CDH8: variants seen among roughly 807,000 people sequenced by gnomAD.
CDH8 encodes the protein cadherin-8.
Under a neutral mutation model 68.1 loss-of-function variants are expected in CDH8, and 17 were observed. The ratio of observed to expected loss-of-function variants is 0.25; its 90% CI spans 0.17 to 0.37. The LOEUF (loss-of-function observed/expected upper bound fraction) is 0.37. CDH8 is among the 10% of genes least tolerant of loss of function. The probability of loss-of-function intolerance (pLI) is 1.00; values close to 1 mark genes in which losing one functional copy is unlikely to be tolerated. For missense variants in CDH8, 763 were observed against 999.3 expected, an observed-to-expected ratio of 0.76 and a Z score of 3.19; for synonymous variants, 372 against 365.1, an observed-to-expected ratio of 1.02 and a Z score of -0.21.
At chr16:61,748,234 A>T (rs1275576675) in intron 8 of CDH8, among the ~76,000 whole-genome samples, 1 of 151,776 alleles carries the variant, frequency 6.6e-6, no homozygotes, top group Non-Finnish European at 1.5e-5. Flanking sequence ...CATCATCATC[A>T]TCATCACTTT....
At chr16:61,768,107 T>C (rs914592825) in intron 8 of CDH8, among the ~76,000 whole-genome samples, 6 of 152,050 alleles carry the variant, frequency 3.9e-5, no homozygotes, top group African/African-American at 1.4e-4. Flanking sequence ...GTTGTTATTA[T>C]TGTTATTTAA....
At chr16:61,880,667 C>G (rs1373399852) in intron 3 of CDH8, among the ~76,000 whole-genome samples, 3 of 152,064 alleles carry the variant, frequency 2.0e-5, no homozygotes, top group Non-Finnish European at 2.9e-5. Context: ...CTAAGAGCAA[C>G]AGGAAGGTGT....
intron 2 of CDH8, among the ~76,000 whole-genome samples, chr16:61,997,791 A>T (rs1965830913): frequency 6.6e-6 from 1 of 152,162 alleles, no homozygotes; most frequent in South Asian, 2.1e-4. Flanking sequence ...AACTTGTAGT[A>T]CTCACAAGGG....
intron 1 of CDH8, among the ~76,000 whole-genome samples, chr16:62,029,549 C>T (rs539935740): frequency 4.6e-5 from 7 of 152,286 alleles, no homozygotes; most frequent in African/African-American, 1.7e-4. Flanking sequence ...CACATCTTTC[C>T]TTCCCATAGA....
chr16:61,823,153 T>C (rs547964429), intron 5 of CDH8, among the ~76,000 whole-genome samples: 188 of 152,004 alleles, frequency 1.2e-3, no homozygotes, highest in African/African-American at 4.2e-3. Context: ...TTGCCAGATG[T>C]AAAAATTCTA....
chr16:61,900,081 C>A (rs1257766542), intron 3 of CDH8, among the ~76,000 whole-genome samples: 1 of 152,104 alleles, frequency 6.6e-6, no homozygotes, highest in East Asian at 1.9e-4. Context: ...TTGCAATTTT[C>A]TTGAGCAACT....
At chr16:61,815,147 T>C (rs1166077078) in intron 7 of CDH8, among the ~76,000 whole-genome samples, 1 of 152,180 alleles carries the variant, frequency 6.6e-6, no homozygotes, top group Non-Finnish European at 1.5e-5. Context: ...AATAGTGCTT[T>C]ATCTGTCCAT....
intron 2 of CDH8, among the ~76,000 whole-genome samples, chr16:61,991,234 G>A (rs905771354): frequency 5.3e-5 from 8 of 152,148 alleles, no homozygotes; most frequent in Non-Finnish European, 1.0e-4. Flanking sequence ...AAGCAGGGGC[G>A]GAAGGGAAGG....
chr16:61,795,984 C>G (rs1041763085), intron 7 of CDH8, among the ~76,000 whole-genome samples: 1 of 152,030 alleles, frequency 6.6e-6, no homozygotes, highest in Admixed American at 6.6e-5. Flanking sequence ...GACCTTTGCT[C>G]TTTAAGCACA....
intron 8 of CDH8, among the ~76,000 whole-genome samples, chr16:61,780,388 T>A (rs970145450): frequency 4.6e-5 from 7 of 152,214 alleles, no homozygotes; most frequent in Non-Finnish European, 1.0e-4. Context: ...ATAAACACAG[T>A]GAAGCATCTC....
At chr16:61,668,682 A>AAT (rs1455605391) in intron 10 of CDH8, among the ~76,000 whole-genome samples, 4 of 151,300 alleles carry the variant, frequency 2.6e-5, no homozygotes, top group Admixed American at 2.0e-4. Flanking sequence ...AAAAAAAAAC[A>AAT]AACACACACC....
At chr16:61,918,002 T>G (rs557942526) in intron 2 of CDH8, among the ~76,000 whole-genome samples, 1 of 150,040 alleles carries the variant, frequency 6.7e-6, no homozygotes, top group Non-Finnish European at 1.5e-5. Context: ...TACTGACATT[T>G]GTACTGATGT....
At chr16:61,746,835 C>A (rs527968736) in intron 8 of CDH8, among the ~76,000 whole-genome samples, 17 of 152,170 alleles carry the variant, frequency 1.1e-4, no homozygotes, top group African/African-American at 4.1e-4. Flanking sequence ...TCAGTCTATG[C>A]TTTTGCCACA....
chr16:61,752,010 C>T (rs62050511), intron 8 of CDH8, among the ~76,000 whole-genome samples: 24,987 of 151,950 alleles, frequency 0.16, 2,217 homozygotes, highest in Middle Eastern at 0.21. Flanking sequence ...AGACACTTTC[C>T]TAGATGTTAA....
intron 4 of CDH8, among the ~76,000 whole-genome samples, chr16:61,856,816 T>C (rs1487166656): frequency 1.3e-5 from 2 of 152,170 alleles, no homozygotes; most frequent in Non-Finnish European, 2.9e-5. Context: ...AACTGAATTT[T>C]CACTTAAATC....
At chr16:61,899,831 G>GACACACACACAC (rs35171683) in intron 3 of CDH8, among the ~76,000 whole-genome samples, 9,194 of 147,246 alleles carry the variant, frequency 0.062, 322 homozygotes, top group African/African-American at 0.09. Context: ...ATGTTATAAA[G>GACACACACACAC]ACACACACAC....
At chr16:61,924,286 C>G (rs529175249) in intron 2 of CDH8, among the ~76,000 whole-genome samples, 1 of 152,252 alleles carries the variant, frequency 6.6e-6, no homozygotes, top group South Asian at 2.1e-4. Flanking sequence ...CTTCTGAATA[C>G]TAAAACACTT....
chr16:61,797,611 A>G (rs1961529039), intron 7 of CDH8, among the ~76,000 whole-genome samples: 1 of 152,158 alleles, frequency 6.6e-6, no homozygotes, highest in African/African-American at 2.4e-5. Context: ...GGTATGCCCC[A>G]AATGAGAGTA....
intron 4 of CDH8, among the ~76,000 whole-genome samples, chr16:61,844,645 A>T (rs1962766297): frequency 6.6e-6 from 1 of 152,178 alleles, no homozygotes; most frequent in African/African-American, 2.4e-5. Flanking sequence ...ATAGAAAATG[A>T]TGTGATCTCA....
Sources: gnomAD v4.1 joint callset for allele counts (sites outside exome capture counted in the v4.1 genomes callset) on GRCh38, gnomAD v4.1.1 for gene constraint, MANE v1.5 for transcripts, NCBI Gene and HGNC (gene_info 2026-07-23, HGNC 2026-07-21) for gene names.